Variants in ADAMTS19 observed in about 807,000 individuals in gnomAD.
The protein encoded by ADAMTS19 is A disintegrin and metalloproteinase with thrombospondin motifs 19.
Under a neutral mutation model 153.3 loss-of-function variants are expected in ADAMTS19, and 93 were observed. That is an observed-to-expected ratio of 0.61 (90% CI 0.51 to 0.72). The LOEUF (loss-of-function observed/expected upper bound fraction) is 0.72. Ranked by LOEUF, ADAMTS19 falls within the 30% of genes least tolerant of loss-of-function variation. The pLI is 0.00. For missense variants in ADAMTS19, 1,482 were observed against 1,552.1 expected (o/e 0.95, Z 0.76); for synonymous variants, 600 against 556.6 (o/e 1.08, Z -1.10).
intron 3 of ADAMTS19, among the ~76,000 whole-genome samples, chr5:129,513,540 C>T (rs1300022023): frequency 6.6e-6 from 1 of 151,852 alleles, no homozygotes. Context: ...ATAAAATGTA[C>T]CATGTGCCAG....
chr5:129,556,864 C>T (rs1010033754), intron 7 of ADAMTS19, among the ~76,000 whole-genome samples: 1 of 152,100 alleles, frequency 6.6e-6, no homozygotes, highest in Non-Finnish European at 1.5e-5. Context: ...ACACAAACAG[C>T]CTTTTCAACA....
chr5:129,736,173 A>G (rs1319288676), intron 22 of ADAMTS19, among the ~76,000 whole-genome samples: 2 of 152,064 alleles, frequency 1.3e-5, no homozygotes, highest in African/African-American at 4.8e-5. Context: ...CAATAGCAGT[A>G]TAATTCCTTT....
chr5:129,633,309 C>G (rs1328430469), intron 10 of ADAMTS19, among the ~76,000 whole-genome samples: 1 of 152,046 alleles, frequency 6.6e-6, no homozygotes. Context: ...TTCATAGAGT[C>G]AGTTTCAAAT....
intron 21 of ADAMTS19, among the ~76,000 whole-genome samples, chr5:129,723,403 GT>G (rs1047826111): frequency 6.6e-6 from 1 of 152,160 alleles, no homozygotes; most frequent in Non-Finnish European, 1.5e-5. Flanking sequence ...CTGAAAACAA[GT>G]ATAGGGTTTA....
chr5:129,461,616 G>C lies in ADAMTS19; in HGVS notation c.606G>C (p.Arg202=). 1.3e-6 allele frequency: 2 copies of C among 1,553,950 alleles called. No individual in the cohort carries two copies. Among genetic ancestry groups the C allele is most frequent in the Non-Finnish European group, 1.7e-6 (2 of 1,149,468 alleles). The change falls in exon 2 of 23, where the codon CGG becomes CGC. Residue 202 remains arginine (R), a synonymous_variant. Transcript: ENST00000274487. This position sits in a 1 kb window ranked among gnomAD's most constrained non-coding sequence, Gnocchi z 4.6. ...FLAPRFAVEQ[R]PNPGPGPTGA... The stretch of plus-strand genomic sequence containing the variant: ...CGCCGCGCTTCGCAGTGGAACAGCG[G>C]CCAAATCCCGGCCCCGGCCCCACGG...
rs920956830 is a variant in ADAMTS19 at position 129,509,081 on chromosome 5, G to C, written c.752G>C (p.Gly251Ala). ...SFSTCGGGLM[G>A]FIQLNEDFIF... is the part of the protein sequence containing the mutation. ...TTTTTGTGTTATATATTCCAGATGGGATTTATACAGCTCAATGAGGACTTC... is the reference window on the plus strand; with the variant it reads ...TTTTTGTGTTATATATTCCAGATGGCATTTATACAGCTCAATGAGGACTTC... The change falls in exon 3 of 23, where the codon GGA (glycine) becomes GCA (alanine). Residue 251 changes from glycine (G) to alanine (A), a missense_variant. Around this residue, in one of 2 missense-constraint regions of ADAMTS19, gnomAD observed 866 missense variants for 827.7 expected, o/e 1.05. Transcript: ENST00000274487. 6 of 1,602,622 alleles carry C rather than the reference G, an allele frequency of 3.7e-6. No homozygotes were observed. Among genetic ancestry groups the C allele is most frequent in the Non-Finnish European group, 5.1e-6 (6 of 1,174,564 alleles).
intron 6 of ADAMTS19, among the ~76,000 whole-genome samples, chr5:129,529,916 T>G (rs1035555311): frequency 5.3e-5 from 8 of 152,128 alleles, no homozygotes; most frequent in Non-Finnish European, 1.0e-4. Flanking sequence ...AACAATCTTG[T>G]GACACCTTAT....
chr5:129,477,802 T>C (rs977134199), intron 2 of ADAMTS19, among the ~76,000 whole-genome samples: 1 of 152,178 alleles, frequency 6.6e-6, no homozygotes, highest in African/African-American at 2.4e-5. Flanking sequence ...TAACTCAGCA[T>C]AGGATTGTAA....
intron 10 of ADAMTS19, among the ~76,000 whole-genome samples, chr5:129,633,110 TA>T (rs1386044167): frequency 6.6e-6 from 1 of 152,122 alleles, no homozygotes; most frequent in Non-Finnish European, 1.5e-5. Flanking sequence ...TAATTCCCTT[TA>T]AACTATTTTC....
intron 21 of ADAMTS19, among the ~76,000 whole-genome samples, chr5:129,709,519 C>T (rs542556820): frequency 3.5e-4 from 53 of 152,016 alleles, no homozygotes; most frequent in Non-Finnish European, 7.4e-4. Context: ...AAGTTGTTAG[C>T]ACTCTAATTG....
intron 7 of ADAMTS19, among the ~76,000 whole-genome samples, chr5:129,576,427 CA>C (rs1754103107): frequency 6.6e-6 from 1 of 151,854 alleles, no homozygotes; most frequent in South Asian, 2.1e-4. Flanking sequence ...CGGAGCAGGG[CA>C]AAAAATTATA....
intron 8 of ADAMTS19, among the ~76,000 whole-genome samples, chr5:129,613,314 A>G (rs542695161): frequency 1.3e-5 from 2 of 152,346 alleles, no homozygotes; most frequent in East Asian, 1.9e-4. Context: ...ATGTAAAAGA[A>G]CAGAAATTAT....
chr5:129,545,238 T>C (rs1752814416), intron 6 of ADAMTS19, among the ~76,000 whole-genome samples: 1 of 152,166 alleles, frequency 6.6e-6, no homozygotes, highest in Non-Finnish European at 1.5e-5. Context: ...ATAAATGTTC[T>C]CAGGAAGAAA....
At position 129,480,041 on chromosome 5, in the gene ADAMTS19, C is replaced by T. The variant is rs1309171298; in HGVS notation, c.747+18284C>T. On this transcript the variant is annotated intron_variant, in intron 2 of 22. Coordinates refer to ENST00000274487, the MANE Select transcript of ADAMTS19 (RefSeq NM_133638.6). ...AACAAAGTTGGAGAACTTACATGAT[C>T]TTATTGAAGTGATAATGTTAAAGCT... 2.6e-5 allele frequency among the ~76,000 whole-genome samples: 4 copies of T among 152,096 alleles called. No individual in the cohort carries two copies. The East Asian group carries it at 7.7e-4, about 29-fold the overall frequency.
chr5:129,595,116 T>C (rs1406028495), intron 7 of ADAMTS19, among the ~76,000 whole-genome samples: 2 of 152,196 alleles, frequency 1.3e-5, no homozygotes, highest in Non-Finnish European at 2.9e-5. Context: ...CATTCTACCT[T>C]TTGCTTAAAG....
chr5:129,516,080 A>G (rs1203800778), intron 3 of ADAMTS19, among the ~76,000 whole-genome samples: 1 of 151,898 alleles, frequency 6.6e-6, no homozygotes, highest in African/African-American at 2.4e-5. Flanking sequence ...TATAAGATGT[A>G]TCATGTCAAC....
intron 6 of ADAMTS19, among the ~76,000 whole-genome samples, chr5:129,541,880 T>C (rs1276023295): frequency 6.6e-6 from 1 of 152,134 alleles, no homozygotes; most frequent in Non-Finnish European, 1.5e-5. Flanking sequence ...CCACCAGGCG[T>C]GATGTTCTCA....
chr5:129,680,419 G>A (rs991543904), intron 17 of ADAMTS19, among the ~76,000 whole-genome samples: 20 of 152,120 alleles, frequency 1.3e-4, no homozygotes, highest in Admixed American at 1.2e-3. Flanking sequence ...AAAGAATTAC[G>A]AAAATTTGAA....
At chr5:129,623,988 A>G (rs1464905905) in intron 10 of ADAMTS19, among the ~76,000 whole-genome samples, 6 of 151,564 alleles carry the variant, frequency 4.0e-5, no homozygotes, top group Non-Finnish European at 8.8e-5. Flanking sequence ...TTAGCTGGGC[A>G]TGGTGGCGGG....
Sources: allele counts gnomAD v4.1 joint callset (sites outside exome capture counted in the v4.1 genomes callset), GRCh38; gene constraint gnomAD v4.1.1; regional missense constraint gnomAD v4.1.1; non-coding constraint Gnocchi (gnomAD v3.1); transcripts MANE v1.5; gene names NCBI Gene and HGNC (gene_info 2026-07-23, HGNC 2026-07-21).